The following SNTG2 variants were observed in gnomAD, a reference collection of about 807,000 sequenced individuals.
The protein encoded by SNTG2 is syntrophin gamma 2.
A neutral mutation model predicts 70.9 loss-of-function variants in SNTG2; 74 were observed. The ratio of observed to expected loss-of-function variants is 1.04; its 90% CI spans 0.86 to 1.27. The LOEUF (loss-of-function observed/expected upper bound fraction) is 1.27. SNTG2 is among the 50% of genes most tolerant of loss of function. SNTG2 has a pLI of 0.00. For synonymous variants in SNTG2, 278 were observed against 273.8 expected, an observed-to-expected ratio of 1.02 and a Z score of -0.15; for missense variants, 717 against 690.7, an observed-to-expected ratio of 1.04 and a Z score of -0.43.
chr2:1,118,790 A>C (rs886771199), intron 4 of SNTG2, among the ~76,000 whole-genome samples: 4 of 152,150 alleles, frequency 2.6e-5, no homozygotes, highest in Admixed American at 6.5e-5. Flanking sequence ...AGATGAAGAA[A>C]GTTCTGTATT....
At chr2:1,095,249 T>A (rs1234947005) in intron 2 of SNTG2, among the ~76,000 whole-genome samples, 1 of 152,134 alleles carries the variant, frequency 6.6e-6, no homozygotes, top group East Asian at 1.9e-4. Context: ...CAACACGGAT[T>A]TTAGGGGGAC....
chr2:1,001,146 A>G (rs1375857804), intron 1 of SNTG2, among the ~76,000 whole-genome samples: 2 of 152,066 alleles, frequency 1.3e-5, no homozygotes, highest in Admixed American at 6.6e-5. Context: ...TGTATGAGAA[A>G]TGCACAGTCA....
chr2:1,162,613 G>C (rs1670398111), intron 6 of SNTG2, among the ~76,000 whole-genome samples: 1 of 152,182 alleles, frequency 6.6e-6, no homozygotes, highest in South Asian at 2.1e-4. Flanking sequence ...CACCTCCAGG[G>C]ACGAGGGCTT....
chr2:1,276,446 C>T (rs1382133924), intron 14 of SNTG2, among the ~76,000 whole-genome samples: 1 of 152,170 alleles, frequency 6.6e-6, no homozygotes, highest in Admixed American at 6.5e-5. Context: ...TCTGCCTGTG[C>T]TCTATAAATA....
At chr2:1,227,405 G>C (rs55924971) in intron 9 of SNTG2, among the ~76,000 whole-genome samples, 45,278 of 152,230 alleles carry the variant, frequency 0.3, 7,618 homozygotes, top group African/African-American at 0.47. Flanking sequence ...GTCGGCCCCT[G>C]GCTGGTGTCC....
At chr2:1,237,124 G>A (rs914079845) in intron 9 of SNTG2, among the ~76,000 whole-genome samples, 84 of 151,732 alleles carry the variant, frequency 5.5e-4, no homozygotes, top group African/African-American at 1.9e-3. Flanking sequence ...TGTATTTTTC[G>A]TAGAGATGGG....
At chr2:1,083,480 TCA>T in intron 1 of SNTG2, 36 bp from the exon 2 acceptor site, 2 of 1,611,958 alleles carry the variant, frequency 1.2e-6, no homozygotes, top group Non-Finnish European at 1.7e-6. Context: ...GCTCCTGCCC[TCA>T]CACCATTTTT....
intron 4 of SNTG2, among the ~76,000 whole-genome samples, chr2:1,114,691 G>A (rs981427238): frequency 7.2e-5 from 11 of 151,926 alleles, no homozygotes; most frequent in East Asian, 5.9e-4. Context: ...GAGAAGGATC[G>A]TGTGTACTCA....
At chr2:991,955 A>G (rs771972210) in intron 1 of SNTG2, among the ~76,000 whole-genome samples, 5 of 152,212 alleles carry the variant, frequency 3.3e-5, no homozygotes, top group Non-Finnish European at 5.9e-5. Flanking sequence ...TGTTAAGTCA[A>G]GAAGCAAAAG....
chr2:1,212,119 C>A (rs779193784), intron 9 of SNTG2, among the ~76,000 whole-genome samples: 37 of 152,104 alleles, frequency 2.4e-4, no homozygotes, highest in Non-Finnish European at 1.8e-4. Flanking sequence ...AATGTATTCC[C>A]CAGTGTTGGA....
intron 8 of SNTG2, among the ~76,000 whole-genome samples, chr2:1,208,804 G>A (rs1014797925): frequency 2.6e-5 from 4 of 152,138 alleles, no homozygotes; most frequent in African/African-American, 9.7e-5. Context: ...TATGCACTGA[G>A]CCCAGTGCTG....
At chr2:1,264,175 C>G (rs934838527) in intron 13 of SNTG2, among the ~76,000 whole-genome samples, 2 of 152,168 alleles carry the variant, frequency 1.3e-5, no homozygotes, top group African/African-American at 4.8e-5. Flanking sequence ...AGATACTAGT[C>G]TATTTCATCA....
At chr2:1,240,842 TTTTG>T (rs1438007376) in intron 11 of SNTG2, among the ~76,000 whole-genome samples, 2 of 152,030 alleles carry the variant, frequency 1.3e-5, no homozygotes, top group Non-Finnish European at 2.9e-5. Context: ...CATCAACTAT[TTTTG>T]TTTACATAGA....
chr2:966,552 T>A (rs1660575559), intron 1 of SNTG2, among the ~76,000 whole-genome samples: 1 of 152,226 alleles, frequency 6.6e-6, no homozygotes, highest in Admixed American at 6.5e-5. Flanking sequence ...AAAATACTTC[T>A]GACTATAAGG....
chr2:1,238,381 G>C (rs956053697), intron 10 of SNTG2, among the ~76,000 whole-genome samples: 6 of 152,070 alleles, frequency 3.9e-5, no homozygotes, highest in African/African-American at 1.4e-4. Flanking sequence ...GTGACATTTT[G>C]AGTTGGGGAA....
At chr2:1,293,921 C>A (rs1471524171) in intron 14 of SNTG2, among the ~76,000 whole-genome samples, 1 of 152,102 alleles carries the variant, frequency 6.6e-6, no homozygotes, top group Admixed American at 6.5e-5. Context: ...GAAACTGGAA[C>A]CCAGAACAGT....
intron 4 of SNTG2, among the ~76,000 whole-genome samples, chr2:1,126,832 C>T (rs938725381): frequency 4.6e-5 from 7 of 151,904 alleles, no homozygotes; most frequent in East Asian, 3.9e-4. Flanking sequence ...TTTTTGCTGT[C>T]GAGAGATTTG....
intron 8 of SNTG2, among the ~76,000 whole-genome samples, chr2:1,206,506 C>A (rs915462389): frequency 6.6e-6 from 1 of 152,202 alleles, no homozygotes; most frequent in African/African-American, 2.4e-5. Flanking sequence ...CATTTGACCC[C>A]GCTGAGCTAA....
intron 15 of SNTG2, among the ~76,000 whole-genome samples, chr2:1,314,180 A>G (rs1263877507): frequency 6.6e-6 from 1 of 152,178 alleles, no homozygotes; most frequent in Non-Finnish European, 1.5e-5. Flanking sequence ...CTTCAAAATC[A>G]AATTTGAACC....
Sources: allele counts gnomAD v4.1 joint callset (sites outside exome capture counted in the v4.1 genomes callset), GRCh38; gene constraint gnomAD v4.1.1; transcripts MANE v1.5; gene names NCBI Gene and HGNC (gene_info 2026-07-23, HGNC 2026-07-21).